ZBTB16: variants seen among roughly 807,000 people sequenced by gnomAD.
ZBTB16 encodes the protein zinc finger and BTB domain containing 16.
ZBTB16 carries 8 observed loss-of-function variants against 56.8 expected under a neutral mutation model. That is an observed-to-expected ratio of 0.14 (90% CI 0.08 to 0.25). The LOEUF is 0.25. ZBTB16 is among the 10% of genes least tolerant of loss of function. ZBTB16 has a pLI of 1.00. For missense variants in ZBTB16, 625 were observed against 903.0 expected (o/e 0.69, Z 3.95); for synonymous variants, 363 against 368.5 (o/e 0.98, Z 0.17).
chr11:114,201,678 T>A (rs989592567), intron 4 of ZBTB16, among the ~76,000 whole-genome samples: 2 of 152,172 alleles, frequency 1.3e-5, no homozygotes, highest in Non-Finnish European at 2.9e-5. Context: ...AAAAGCTGAT[T>A]AGAGAAATCA....
chr11:114,245,022 G>C (rs1459820415), intron 5 of ZBTB16, among the ~76,000 whole-genome samples: 1 of 152,232 alleles, frequency 6.6e-6, no homozygotes, highest in African/African-American at 2.4e-5. Flanking sequence ...CAGTAAGGAG[G>C]GGGAGTTGGA....
intron 2 of ZBTB16, among the ~76,000 whole-genome samples, chr11:114,094,042 GC>G (rs1341235993): frequency 2.6e-5 from 4 of 152,226 alleles, no homozygotes; most frequent in African/African-American, 9.6e-5. Context: ...AGGGCCAGGC[GC>G]GGTGGCTCAC....
chr11:114,141,907 CAT>C (rs1479687495), intron 2 of ZBTB16, among the ~76,000 whole-genome samples: 1 of 152,240 alleles, frequency 6.6e-6, no homozygotes, highest in African/African-American at 2.4e-5. Flanking sequence ...TAAGTGCTCA[CAT>C]ATGTCTTGTA....
At position 114,091,600 on chromosome 11, in the gene ZBTB16, TCCTC is replaced by T. The variant is rs61335253; in HGVS notation, c.1268+27052_1268+27055del. Among the ~76,000 whole-genome samples, 39 of 147,972 alleles carry T rather than the reference TCCTC, an allele frequency of 2.6e-4. No homozygotes were observed. The East Asian group carries it at 4.5e-3, about 17-fold the overall frequency. ...TTCTTTCCTTTCCCCAATCTTTTGT[TCCTC>T]CCTCCCTCCCTCCCTCCCTTCCTCC... On this transcript the variant is annotated intron_variant, in intron 2 of 6. Coordinates refer to ENST00000335953, the MANE Select transcript of ZBTB16 (RefSeq NM_006006.6).
chr11:114,198,930 A>G (rs1943668016), intron 4 of ZBTB16, among the ~76,000 whole-genome samples: 3 of 152,348 alleles, frequency 2.0e-5, no homozygotes, highest in Non-Finnish European at 1.5e-5. Flanking sequence ...CACATTTTAT[A>G]TGAAGCATCA....
chr11:114,178,587 GC>G (rs1318198589), intron 3 of ZBTB16, among the ~76,000 whole-genome samples: 15 of 152,140 alleles, frequency 9.9e-5, no homozygotes, highest in Non-Finnish European at 2.1e-4. Flanking sequence ...ACCCGCTGGT[GC>G]TAAAAGGGGT....
chr11:114,181,475 G>A (rs752879863), intron 3 of ZBTB16, among the ~76,000 whole-genome samples: 6 of 152,212 alleles, frequency 3.9e-5, no homozygotes, highest in East Asian at 1.9e-4. Flanking sequence ...GCCTCCTGAG[G>A]TATAAATGGC....
At chr11:114,213,338 C>T (rs1274377889) in intron 4 of ZBTB16, among the ~76,000 whole-genome samples, 3 of 152,186 alleles carry the variant, frequency 2.0e-5, no homozygotes, top group Non-Finnish European at 2.9e-5. Context: ...TGTTTGTCTT[C>T]TCCATCCCAC....
chr11:114,068,976 A>G (rs896097894), intron 2 of ZBTB16, among the ~76,000 whole-genome samples: 1 of 152,316 alleles, frequency 6.6e-6, no homozygotes, highest in African/African-American at 2.4e-5. Flanking sequence ...GTGTTTCTGA[A>G]TTTAGTGCTG....
At chr11:114,247,041 T>A in intron 5 of ZBTB16, 157 bp from the exon 6 acceptor site, 1 of 856,900 alleles carries the variant, frequency 1.2e-6, no homozygotes. Context: ...GTATTGCTTG[T>A]TTATTCAATG....
At chr11:114,172,677 G>A (rs903695531) in intron 3 of ZBTB16, among the ~76,000 whole-genome samples, 1 of 152,150 alleles carries the variant, frequency 6.6e-6, no homozygotes, top group Non-Finnish European at 1.5e-5. Flanking sequence ...TGGAAGTCAC[G>A]GTCTCAAAGG....
intron 3 of ZBTB16, among the ~76,000 whole-genome samples, chr11:114,159,934 A>AGGTGGG (rs1565658191): frequency 2.0e-5 from 1 of 50,628 alleles, no homozygotes; most frequent in African/African-American, 2.5e-4. Context: ...TGGGCGGGGG[A>AGGTGGG]GGCGGGGGGG....
chr11:114,074,777 C>T (rs1383186861), intron 2 of ZBTB16, among the ~76,000 whole-genome samples: 1 of 152,226 alleles, frequency 6.6e-6, no homozygotes, highest in African/African-American at 2.4e-5. Flanking sequence ...TGAATGTTGC[C>T]GCTAAAGGTC....
chr11:114,249,937 G>T (rs1191863962), intron 6 of ZBTB16, among the ~76,000 whole-genome samples: 2 of 152,020 alleles, frequency 1.3e-5, no homozygotes, highest in African/African-American at 4.8e-5. Flanking sequence ...GGCTTGAAGA[G>T]CCATTCCTGA....
intron 4 of ZBTB16, among the ~76,000 whole-genome samples, chr11:114,217,534 C>T (rs1944132749): frequency 6.6e-6 from 1 of 152,044 alleles, no homozygotes; most frequent in Admixed American, 6.6e-5. Context: ...AGATCCAGGC[C>T]AAGCAGGTTT....
At position 114,255,497 on chromosome 11, in the gene ZBTB16, C is replaced by T. The variant is rs1352338711; in HGVS notation, c.*4942C>T. On this transcript the variant is annotated 3_prime_UTR_variant, in exon 7 of 7. Coordinates refer to ENST00000335953, the MANE Select transcript of ZBTB16 (RefSeq NM_006006.6). ...CCCTCCCCTCCTCCCTCTGGCTCCC[C>T]GTCTCATTTCTGTCCACTCCATTCT... Among the ~76,000 whole-genome samples, 2 of 143,558 alleles carry T rather than the reference C, an allele frequency of 1.4e-5. No individual in the cohort carries two copies. The highest frequency in any genetic ancestry group is 2.9e-5 in the African/African-American group (1 of 33,968). The allele number at this position is 143,558 out of a possible 152,430, so 94.2% of individuals were successfully genotyped here. A position where few individuals can be genotyped will look rare whatever the true frequency, so the allele number is the denominator to read the frequency against.
chr11:114,130,834 C>T (rs1941640989), intron 2 of ZBTB16, among the ~76,000 whole-genome samples: 1 of 152,202 alleles, frequency 6.6e-6, no homozygotes, highest in Non-Finnish European at 1.5e-5. Flanking sequence ...GAAAATGAAA[C>T]AGTTAACTGG....
At chr11:114,098,676 G>A (rs981591660) in intron 2 of ZBTB16, among the ~76,000 whole-genome samples, 1 of 152,150 alleles carries the variant, frequency 6.6e-6, no homozygotes, top group Non-Finnish European at 1.5e-5. Flanking sequence ...CAAGGGAAGA[G>A]TCCAATATAA....
chr11:114,233,602 C>G (rs1464379219), intron 4 of ZBTB16, among the ~76,000 whole-genome samples: 1 of 152,086 alleles, frequency 6.6e-6, no homozygotes, highest in African/African-American at 2.4e-5. Context: ...CCAAACTTCT[C>G]TCCTCCTTTT....
Sources: gnomAD v4.1 joint callset for allele counts (sites outside exome capture counted in the v4.1 genomes callset) on GRCh38, gnomAD v4.1.1 for gene constraint, MANE v1.5 for transcripts, NCBI Gene and HGNC (gene_info 2026-07-23, HGNC 2026-07-21) for gene names.